Variants in GLI3 observed in about 807,000 individuals in gnomAD.
GLI3 encodes the protein GLI family zinc finger 3.
A neutral mutation model predicts 100.8 loss-of-function variants in GLI3; 20 were observed. That is an observed-to-expected ratio of 0.20 (90% CI 0.14 to 0.29). GLI3 has a LOEUF of 0.29. Ranked by LOEUF, GLI3 falls within the 10% of genes least tolerant of loss-of-function variation. The pLI, the probability that GLI3 is intolerant of heterozygous loss-of-function variation, is 1.00. For missense variants in GLI3, 2,040 were observed against 2,128.5 expected, an observed-to-expected ratio of 0.96 and a Z score of 0.82; for synonymous variants, 938 against 860.5, an observed-to-expected ratio of 1.09 and a Z score of -1.58.
rs1191005127 is a variant in GLI3 at position 41,966,121 on chromosome 7, G to T, written c.2952C>A (p.Ala984=). 1.3e-6 allele frequency: 2 copies of T among 1,581,298 alleles called. No homozygotes were observed. Among genetic ancestry groups the T allele is most frequent in the South Asian group, 1.1e-5 (1 of 88,398 alleles). The change falls in exon 15 of 15, where the codon GCC becomes GCA. Residue 984 remains alanine (A), a synonymous_variant. Transcript: ENST00000395925. The surrounding 1 kb of genome is among the most constrained non-coding windows in gnomAD (Gnocchi z 5.8). ...HAPRRCSDGG[A]HGYGRRHLQP... is the part of the protein sequence containing the mutation. ...GCAGGTGGCGCCGCCCGTAGCCGTGGGCTCCCCCGTCGCTGCACCTCCTCG... is the reference window on the plus strand; with the variant it reads ...GCAGGTGGCGCCGCCCGTAGCCGTGTGCTCCCCCGTCGCTGCACCTCCTCG...
rs192935410 is a variant in GLI3, at chr7:42,132,307, A to G, written c.367+15919T>C. Among the ~76,000 whole-genome samples the G allele has an allele frequency of 6.3e-3, 949 of 151,822 alleles. 10 individuals are homozygous for G. Among genetic ancestry groups the G allele is most frequent in the African/African-American group, 0.02 (838 of 41,356 alleles). ...AGTAGAGATGGGGTTTCACCATGTT[A>G]GCCAGGATGGTCTCGATCTCCTGAC... On this transcript the variant is annotated intron_variant, in intron 3 of 14. Coordinates refer to ENST00000395925, the MANE Select transcript of GLI3 (RefSeq NM_000168.6).
intron 3 of GLI3, among the ~76,000 whole-genome samples, chr7:42,133,654 A>AC (rs1447368660): frequency 5.9e-5 from 9 of 151,888 alleles, no homozygotes; most frequent in South Asian, 2.1e-4. Context: ...AAAAAAAAAA[A>AC]AAAACTGTGC....
At chr7:42,246,805 CTTTTTTTTTTTT>C (rs71006467) in intron 1 of GLI3, among the ~76,000 whole-genome samples, 48,359 of 95,914 alleles carry the variant, frequency 0.5, 10,501 homozygotes, top group East Asian at 0.75. Flanking sequence ...ATGATAGAAT[CTTTTTTTTTTTT>C]TTTTTTTTTT....
chr7:41,972,684 G>GC lies in GLI3; in HGVS notation c.1813-58dup. 7.0e-7 allele frequency: 1 copy of GC among 1,427,990 alleles called. No individual in the cohort carries two copies. The highest frequency in any genetic ancestry group is 1.7e-5 in the Admixed American group (1 of 57,952). The allele number at this position is 1,427,990 out of a possible 1,614,324, so 88.5% of individuals were successfully genotyped here. ...TTGTTATGAAAGAGACTATGCCCCA[G>GC]CCCAAAAGTCCTTTATGGTTGCTCA... On this transcript the variant is annotated intron_variant, in intron 12 of 14. Transcript: ENST00000395925. The surrounding 1 kb of genome is among the most constrained non-coding windows in gnomAD (Gnocchi z 4.4).
chr7:42,139,505 C>A (rs1187655246), intron 3 of GLI3, among the ~76,000 whole-genome samples: 1 of 152,130 alleles, frequency 6.6e-6, no homozygotes, highest in Non-Finnish European at 1.5e-5. Context: ...CATGGTGAAA[C>A]TCCATCTCTA....
chr7:42,227,290 G>A (rs1788600847), intron 1 of GLI3, among the ~76,000 whole-genome samples: 1 of 150,174 alleles, frequency 6.7e-6, no homozygotes, highest in South Asian at 2.1e-4. Context: ...AAAAATGTTT[G>A]TAGCTGATGT....
At chr7:42,015,880 T>C (rs935856331) in intron 10 of GLI3, among the ~76,000 whole-genome samples, 2 of 151,610 alleles carry the variant, frequency 1.3e-5, no homozygotes, top group African/African-American at 4.8e-5. Context: ...TTAATCACAA[T>C]TTTTTTTTGT....
At chr7:42,130,919 G>C (rs1404901756) in intron 3 of GLI3, among the ~76,000 whole-genome samples, 1 of 152,162 alleles carries the variant, frequency 6.6e-6, no homozygotes, top group African/African-American at 2.4e-5. Flanking sequence ...ACAAATCAAA[G>C]AGACATCAGA....
rs1788523149 is a variant in GLI3, at chr7:42,223,297, TA to T, written c.-42-3del. 1.2e-5 allele frequency: 19 copies of T among 1,552,750 alleles called. No homozygotes were observed. The highest frequency in any genetic ancestry group is 1.7e-5 in the Admixed American group (1 of 58,558). On this transcript the variant is annotated splice_region_variant and splice_polypyrimidine_tract_variant and intron_variant, in intron 1 of 14. Coordinates refer to ENST00000395925, the MANE Select transcript of GLI3 (RefSeq NM_000168.6). ...CAGCTCTCTTCGACCAAAAATGCCCTAAAGAAAACAACAGAGCCATCAACTT... is the reference window on the plus strand; with the variant it reads ...CAGCTCTCTTCGACCAAAAATGCCCTAAGAAAACAACAGAGCCATCAACTT...
chr7:42,152,639 A>C (rs1365667952), intron 2 of GLI3, among the ~76,000 whole-genome samples: 1 of 152,176 alleles, frequency 6.6e-6, no homozygotes, highest in Non-Finnish European at 1.5e-5. Context: ...AATCAAACTA[A>C]TGTCACCCTA....
chr7:42,132,474 TA>T (rs1786315662), intron 3 of GLI3, among the ~76,000 whole-genome samples: 1 of 152,218 alleles, frequency 6.6e-6, no homozygotes, highest in Non-Finnish European at 1.5e-5. Context: ...TAAAAAATGT[TA>T]AATTATAAAG....
chr7:42,055,116 C>CATAT (rs35453201), intron 4 of GLI3, among the ~76,000 whole-genome samples: 2 of 126,090 alleles, frequency 1.6e-5, no homozygotes, highest in African/African-American at 3.0e-5. Flanking sequence ...TATATATACA[C>CATAT]ATATATATAC....
At chr7:42,136,298 A>G (rs1786427043) in intron 3 of GLI3, among the ~76,000 whole-genome samples, 1 of 152,200 alleles carries the variant, frequency 6.6e-6, no homozygotes, top group South Asian at 2.1e-4. Context: ...ACAGCTAGAA[A>G]AGGAATGCAC....
rs1554345660 is a variant in GLI3, at chr7:42,262,232, C to CCTTT, written c.-43+1761_-43+1762insAAAG. 2.3e-3 allele frequency among the ~76,000 whole-genome samples: 324 copies of CCTTT among 137,890 alleles called. 3 individuals carry two copies. Among genetic ancestry groups the CCTTT allele is most frequent in the African/African-American group, 9.8e-3 (318 of 32,506 alleles). 90.5% of individuals were successfully genotyped at this position (137,890 alleles called of 152,430 possible). A position where few individuals can be genotyped will look rare whatever the true frequency, so the allele number is the denominator to read the frequency against. ...TCTTTCCTTCCTTCCTTCTTTCCTT[C>CCTTT]CTTCCTTCCTTCCTTTCTTCCTCCC... On this transcript the variant is annotated intron_variant, in intron 1 of 2. Coordinates refer to the GLI3 transcript ENST00000678978.
intron 10 of GLI3, among the ~76,000 whole-genome samples, chr7:41,988,133 T>C (rs1787880136): frequency 6.6e-6 from 1 of 152,120 alleles, no homozygotes; most frequent in African/African-American, 2.4e-5. Context: ...GAAATCCATA[T>C]GTTGAAACTT....
At chr7:42,213,211 G>T (rs1390528583) in intron 2 of GLI3, among the ~76,000 whole-genome samples, 2 of 152,128 alleles carry the variant, frequency 1.3e-5, no homozygotes, top group African/African-American at 4.8e-5. Context: ...TAATATTTGA[G>T]AAATAAAATT....
At chr7:42,202,499 T>C (rs1158988238) in intron 2 of GLI3, among the ~76,000 whole-genome samples, 2 of 152,106 alleles carry the variant, frequency 1.3e-5, no homozygotes, top group Non-Finnish European at 2.9e-5. Flanking sequence ...ATCAGAGCAG[T>C]AGTCAGTATC....
At chr7:42,127,152 T>C (rs1219486550) in intron 3 of GLI3, among the ~76,000 whole-genome samples, 1 of 152,224 alleles carries the variant, frequency 6.6e-6, no homozygotes, top group Non-Finnish European at 1.5e-5. Context: ...TGGCTCTTGA[T>C]TGCAGGCACT....
chr7:42,171,476 T>C (rs565560968), intron 2 of GLI3, among the ~76,000 whole-genome samples: 5 of 152,340 alleles, frequency 3.3e-5, no homozygotes, highest in African/African-American at 1.2e-4. Context: ...ATGTTAACAA[T>C]TGTCATCCAC....
Sources: gnomAD v4.1 joint callset for allele counts (sites outside exome capture counted in the v4.1 genomes callset) on GRCh38, gnomAD v4.1.1 for gene constraint, Gnocchi (gnomAD v3.1) non-coding constraint, MANE v1.5 for transcripts, NCBI Gene and HGNC (gene_info 2026-07-23, HGNC 2026-07-21) for gene names.